The following RCAN2 variants were observed in gnomAD, a reference collection of about 807,000 sequenced individuals.
The protein encoded by RCAN2 is regulator of calcineurin 2.
RCAN2 carries 9 observed loss-of-function variants against 23.6 expected under a neutral mutation model. That is an observed-to-expected ratio of 0.38 (90% CI 0.23 to 0.67). RCAN2 has a LOEUF of 0.67. Ranked by LOEUF, RCAN2 falls within the 30% of genes least tolerant of loss-of-function variation. The pLI is 0.51. For missense variants in RCAN2, 273 were observed against 302.3 expected (o/e 0.90, Z 0.72); for synonymous variants, 109 against 115.7 (o/e 0.94, Z 0.37).
At chr6:46,416,377 G>A (rs1000261573) in intron 2 of RCAN2, among the ~76,000 whole-genome samples, 3 of 144,678 alleles carry the variant, frequency 2.1e-5, no homozygotes, top group Non-Finnish European at 4.5e-5. Flanking sequence ...GATCTAGTAT[G>A]GTACCTTCTT....
intron 2 of RCAN2, among the ~76,000 whole-genome samples, chr6:46,267,530 C>T (rs7341190): frequency 0.023 from 3,532 of 152,058 alleles, 135 homozygotes; most frequent in African/African-American, 0.08. Context: ...AACAAACAAA[C>T]GAAAACGAGG....
chr6:46,254,367 C>T (rs1385989123), intron 2 of RCAN2, among the ~76,000 whole-genome samples: 1 of 152,048 alleles, frequency 6.6e-6, no homozygotes. Flanking sequence ...AAGAGCTGCC[C>T]TTCAAGGAAG....
At chr6:46,328,795 G>A (rs1763872415) in intron 2 of RCAN2, among the ~76,000 whole-genome samples, 2 of 152,180 alleles carry the variant, frequency 1.3e-5, no homozygotes, top group East Asian at 3.9e-4. Flanking sequence ...ATTTTTAGAA[G>A]AGATGGGGTT....
intron 2 of RCAN2, among the ~76,000 whole-genome samples, chr6:46,416,981 C>T (rs1352551000): frequency 6.6e-6 from 1 of 152,112 alleles, no homozygotes; most frequent in Non-Finnish European, 1.5e-5. Context: ...CATAAATGTG[C>T]CATCATTTTA....
intron 2 of RCAN2, among the ~76,000 whole-genome samples, chr6:46,378,596 A>G (rs1765540911): frequency 6.6e-6 from 1 of 152,230 alleles, no homozygotes; most frequent in African/African-American, 2.4e-5. Context: ...TATTTACAAT[A>G]TGTGAGACAT....
At chr6:46,424,766 C>A (rs1416539189) in intron 2 of RCAN2, among the ~76,000 whole-genome samples, 1 of 152,030 alleles carries the variant, frequency 6.6e-6, no homozygotes, top group African/African-American at 2.4e-5. Context: ...TATCTTCCAC[C>A]CAGGGATTCT....
At chr6:46,409,067 C>CAT (rs2150406916) in intron 2 of RCAN2, among the ~76,000 whole-genome samples, 1 of 152,096 alleles carries the variant, frequency 6.6e-6, no homozygotes, top group South Asian at 2.1e-4. Flanking sequence ...AAATAGATTC[C>CAT]ATATATACTG....
chr6:46,377,473 A>G (rs1464199670), intron 2 of RCAN2, among the ~76,000 whole-genome samples: 1 of 152,208 alleles, frequency 6.6e-6, no homozygotes, highest in African/African-American at 2.4e-5. Flanking sequence ...AGCCCCAAGT[A>G]AAAAACTAAA....
chr6:46,459,870 G>T (rs1041379437), intron 1 of RCAN2, among the ~76,000 whole-genome samples: 5 of 151,998 alleles, frequency 3.3e-5, no homozygotes, highest in Non-Finnish European at 7.4e-5. Context: ...ATACAGTATT[G>T]CAATTTTTAC....
At position 46,314,384 on chromosome 6, in the gene RCAN2, A is replaced by AG. The variant is rs1273216188; in HGVS notation, c.226-65489dup. 2.6e-5 allele frequency among the ~76,000 whole-genome samples: 4 copies of AG among 151,314 alleles called. No homozygotes were observed. In the East Asian group the frequency reaches 5.8e-4, roughly 22 times the overall value. ...CAAAAAAAAAAAAAAAAAAAAGAAA[A>AG]GAAAAAAAACCACAAAAAAGATGTT... On this transcript the variant is annotated intron_variant, in intron 2 of 4. Transcript: ENST00000371374.
intron 2 of RCAN2, among the ~76,000 whole-genome samples, chr6:46,363,721 A>G (rs1765084131): frequency 6.6e-6 from 1 of 152,180 alleles, no homozygotes; most frequent in Non-Finnish European, 1.5e-5. Flanking sequence ...GATTACCTCT[A>G]TCATTTAGTT....
intron 1 of RCAN2, among the ~76,000 whole-genome samples, chr6:46,486,986 C>T (rs35694052): frequency 6.6e-6 from 1 of 152,128 alleles, no homozygotes; most frequent in Non-Finnish European, 1.5e-5. Context: ...CAATATATGA[C>T]ACCTAGAGTT....
At chr6:46,271,795 G>T (rs1444725425) in intron 2 of RCAN2, among the ~76,000 whole-genome samples, 1 of 152,214 alleles carries the variant, frequency 6.6e-6, no homozygotes, top group Non-Finnish European at 1.5e-5. Context: ...ATTCTGGGAA[G>T]TAGAAAGAAG....
At chr6:46,284,814 AT>A (rs146255132) in intron 2 of RCAN2, among the ~76,000 whole-genome samples, 4,904 of 152,260 alleles carry the variant, frequency 0.032, 235 homozygotes, top group African/African-American at 0.11. Flanking sequence ...CCTGTAGTTT[AT>A]TTTGGGAAAA....
intron 2 of RCAN2, among the ~76,000 whole-genome samples, chr6:46,318,710 A>G (rs113061998): frequency 0.01 from 1,558 of 152,082 alleles, 21 homozygotes; most frequent in African/African-American, 0.035. Context: ...TGGTAACAGA[A>G]GGTTAAAAAA....
chr6:46,335,080 G>A (rs2150369242), intron 2 of RCAN2, among the ~76,000 whole-genome samples: 1 of 152,284 alleles, frequency 6.6e-6, no homozygotes, highest in East Asian at 1.9e-4. Flanking sequence ...TCTGAAGGAG[G>A]CCCTTAGCTG....
intron 2 of RCAN2, among the ~76,000 whole-genome samples, chr6:46,434,141 A>G (rs770366710): frequency 1.3e-5 from 2 of 152,248 alleles, no homozygotes; most frequent in Non-Finnish European, 2.9e-5. Flanking sequence ...TTTAGGTTCC[A>G]TTCACACTAT....
chr6:46,373,209 G>C (rs1240324497), intron 2 of RCAN2, among the ~76,000 whole-genome samples: 1 of 152,158 alleles, frequency 6.6e-6, no homozygotes, highest in Non-Finnish European at 1.5e-5. Flanking sequence ...AAGCTACGGG[G>C]TCAAGAAACA....
At chr6:46,240,950 T>C (rs969092353) in intron 4 of RCAN2, among the ~76,000 whole-genome samples, 2 of 152,170 alleles carry the variant, frequency 1.3e-5, no homozygotes, top group African/African-American at 4.8e-5. Flanking sequence ...TCTCTGCAGT[T>C]AACTAAAATT....
Sources: allele counts gnomAD v4.1 joint callset (sites outside exome capture counted in the v4.1 genomes callset), GRCh38; gene constraint gnomAD v4.1.1; transcripts MANE v1.5; gene names NCBI Gene and HGNC (gene_info 2026-07-23, HGNC 2026-07-21).